Variants in CAP2 observed in about 807,000 individuals in gnomAD.
CAP2 encodes the protein cyclase associated actin cytoskeleton regulatory protein 2.
CAP2 carries 24 observed loss-of-function variants against 57.7 expected under a neutral mutation model. That is an observed-to-expected ratio of 0.42 (90% CI 0.30 to 0.58). CAP2 has a LOEUF of 0.58. Among genes scored for constraint, CAP2 ranks in the 20% least tolerant of loss-of-function variants. The probability of loss-of-function intolerance (pLI) is 0.22; values close to 1 mark genes in which losing one functional copy is unlikely to be tolerated. For synonymous variants in CAP2, 194 were observed against 207.2 expected, an observed-to-expected ratio of 0.94 and a Z score of 0.55; for missense variants, 501 against 590.3, an observed-to-expected ratio of 0.85 and a Z score of 1.57.
intron 1 of CAP2, among the ~76,000 whole-genome samples, chr6:17,402,675 A>C (rs747771085): frequency 6.6e-6 from 1 of 152,256 alleles, no homozygotes; most frequent in Non-Finnish European, 1.5e-5. Context: ...TTTGCTTAAT[A>C]CATGTAAAAC....
intron 11 of CAP2, among the ~76,000 whole-genome samples, chr6:17,543,822 C>T (rs1236609247): frequency 6.6e-6 from 1 of 151,912 alleles, no homozygotes; most frequent in African/African-American, 2.4e-5. Context: ...CATACCATCT[C>T]AATTTCAAGT....
At chr6:17,547,664 A>AC (rs767334110) in intron 11 of CAP2, among the ~76,000 whole-genome samples, 46 of 151,942 alleles carry the variant, frequency 3.0e-4, no homozygotes, top group Non-Finnish European at 3.1e-4. Context: ...ACACAGTGAA[A>AC]CCCTGTCTCT....
intron 1 of CAP2, among the ~76,000 whole-genome samples, chr6:17,395,952 A>G (rs1332178448): frequency 6.6e-6 from 1 of 152,200 alleles, no homozygotes; most frequent in East Asian, 1.9e-4. Flanking sequence ...CTTACAACTC[A>G]ATAATAAAAA....
intron 2 of CAP2, 64 bp from the exon 3 acceptor site, chr6:17,426,526 T>C (rs923365918): frequency 8.3e-7 from 1 of 1,198,422 alleles, no homozygotes; most frequent in Non-Finnish European, 1.2e-6. Flanking sequence ...TGAGCCACCG[T>C]GCCCGGCTAG....
At chr6:17,554,168 G>A (rs1763239666) in intron 12 of CAP2, among the ~76,000 whole-genome samples, 1 of 151,936 alleles carries the variant, frequency 6.6e-6, no homozygotes, top group South Asian at 2.1e-4. Context: ...GTGCAGTGGT[G>A]CGATCATGGC....
chr6:17,440,482 C>G (rs1760038678), intron 3 of CAP2, among the ~76,000 whole-genome samples: 1 of 151,400 alleles, frequency 6.6e-6, no homozygotes, highest in Non-Finnish European at 1.5e-5. Flanking sequence ...CCTTTTTATA[C>G]CTTTCATGTC....
intron 9 of CAP2, among the ~76,000 whole-genome samples, chr6:17,542,438 G>T (rs1477463302): frequency 6.7e-6 from 1 of 149,174 alleles, no homozygotes; most frequent in Non-Finnish European, 1.5e-5. Flanking sequence ...AGTTGTCATC[G>T]CCTTGAAAAC....
chr6:17,432,090 A>G (rs1048272430), intron 3 of CAP2, among the ~76,000 whole-genome samples: 4 of 152,200 alleles, frequency 2.6e-5, no homozygotes, highest in Non-Finnish European at 5.9e-5. Context: ...TTCTGGTCCT[A>G]CGAGTTGTCA....
At chr6:17,554,581 G>T (rs1763249824) in intron 12 of CAP2, among the ~76,000 whole-genome samples, 1 of 152,250 alleles carries the variant, frequency 6.6e-6, no homozygotes, top group Non-Finnish European at 1.5e-5. Context: ...TTGAATGAAT[G>T]AATGGCTTCA....
chr6:17,533,091 A>G (rs1190953480), intron 7 of CAP2, among the ~76,000 whole-genome samples: 5 of 151,590 alleles, frequency 3.3e-5, no homozygotes, highest in Non-Finnish European at 4.4e-5. Flanking sequence ...AAAAAAAAAA[A>G]AAAAAAAGAA....
At chr6:17,422,924 G>A (rs998689860) in intron 2 of CAP2, among the ~76,000 whole-genome samples, 1 of 152,148 alleles carries the variant, frequency 6.6e-6, no homozygotes, top group Non-Finnish European at 1.5e-5. Context: ...GGGGGTATAA[G>A]GATGTCCCAA....
chr6:17,546,528 T>G (rs1763051599), intron 11 of CAP2, among the ~76,000 whole-genome samples: 1 of 152,258 alleles, frequency 6.6e-6, no homozygotes, highest in African/African-American at 2.4e-5. Context: ...TCTTTTGCTG[T>G]GCAGAAGCTC....
chr6:17,533,685 C>T (rs927234511), intron 7 of CAP2, among the ~76,000 whole-genome samples: 5 of 151,754 alleles, frequency 3.3e-5, no homozygotes, highest in African/African-American at 9.7e-5. Flanking sequence ...TCTCCTGCCT[C>T]AGCCTTCTAA....
chr6:17,416,978 TC>T (rs1478864268), intron 1 of CAP2, among the ~76,000 whole-genome samples: 4 of 152,020 alleles, frequency 2.6e-5, no homozygotes, highest in Admixed American at 6.6e-5. Context: ...TGCACTGTAA[TC>T]CTAGTTACTA....
chr6:17,523,586 G>A (rs1162261480), intron 7 of CAP2, among the ~76,000 whole-genome samples: 1 of 152,148 alleles, frequency 6.6e-6, no homozygotes, highest in Non-Finnish European at 1.5e-5. Flanking sequence ...CAAGAATGGG[G>A]TAAACTAATC....
chr6:17,407,924 G>A (rs969330675), intron 1 of CAP2, among the ~76,000 whole-genome samples: 5 of 152,108 alleles, frequency 3.3e-5, no homozygotes, highest in Non-Finnish European at 1.5e-5. Context: ...GGATTTGTTG[G>A]TAATTTCTAT....
intron 4 of CAP2, among the ~76,000 whole-genome samples, chr6:17,466,745 C>T (rs1322053738): frequency 6.6e-6 from 1 of 152,196 alleles, no homozygotes; most frequent in African/African-American, 2.4e-5. Context: ...CCAACAAGCA[C>T]AGAATCCCTT....
At chr6:17,526,796 A>G (rs886396541) in intron 7 of CAP2, among the ~76,000 whole-genome samples, 4 of 151,720 alleles carry the variant, frequency 2.6e-5, no homozygotes, top group Admixed American at 2.6e-4. Flanking sequence ...CGTCTCTACT[A>G]AAAATACAAA....
At chr6:17,460,452 C>T (rs1166483763) in intron 3 of CAP2, among the ~76,000 whole-genome samples, 1 of 152,090 alleles carries the variant, frequency 6.6e-6, no homozygotes, top group Non-Finnish European at 1.5e-5. Flanking sequence ...AATATTATTG[C>T]TATCAGTTTG....
Sources: allele counts gnomAD v4.1 joint callset (sites outside exome capture counted in the v4.1 genomes callset), GRCh38; gene constraint gnomAD v4.1.1; transcripts MANE v1.5; gene names NCBI Gene and HGNC (gene_info 2026-07-23, HGNC 2026-07-21).